The following DMD variants were observed in gnomAD, a reference collection of about 807,000 sequenced individuals.
The protein encoded by DMD is mutant dystrophin.
DMD carries 63 observed loss-of-function variants against 330.1 expected under a neutral mutation model. The ratio of observed to expected loss-of-function variants is 0.19; its 90% confidence interval spans 0.16 to 0.24. DMD has a LOEUF of 0.24. Among genes scored for constraint, DMD ranks in the 10% least tolerant of loss-of-function variants. DMD has a pLI of 1.00. For synonymous variants in DMD, 1,223 were observed against 959.8 expected (o/e 1.27, Z -5.07); for missense variants, 3,344 against 2,684.1 (o/e 1.25, Z -5.43).
chrX:31,630,823 G>T (rs951824637), intron 54 of DMD, among the ~76,000 whole-genome samples: 2 of 111,572 alleles, frequency 1.8e-5, no homozygotes, highest in African/African-American at 6.5e-5. Flanking sequence ...CCAGATATTA[G>T]AAACTGTAAT....
At chrX:32,693,163 T>C (rs1391378915) in intron 9 of DMD, among the ~76,000 whole-genome samples, 1 of 111,665 alleles carries the variant, frequency 9.0e-6, no homozygotes, top group Non-Finnish European at 1.9e-5. Context: ...AGCCAGTGAA[T>C]GTGGTCAGCC....
chrX:31,319,710 C>T (rs1232939813), intron 62 of DMD, among the ~76,000 whole-genome samples: 1 of 112,527 alleles, frequency 8.9e-6, no homozygotes, highest in East Asian at 2.8e-4. Context: ...TGTGATATTT[C>T]TTATGCTTTT....
In DMD at chrX:32,527,828, T is replaced by A. The variant is rs192346217; in HGVS notation, c.2169-9697A>T. On this transcript the variant is annotated intron_variant, in intron 17 of 78. Transcript: ENST00000357033. ...TTAGATAAATAGTTCCCTCTCCAAATCAAGATAGTTTGTATACACACACAC... is the reference window on the plus strand; with the variant it reads ...TTAGATAAATAGTTCCCTCTCCAAAACAAGATAGTTTGTATACACACACAC... Among the ~76,000 whole-genome samples, 334 of 110,943 alleles carry A rather than the reference T, an allele frequency of 3.0e-3. 1 individual carries two copies. Among genetic ancestry groups the A allele is most frequent in the African/African-American group, 0.011 (324 of 30,470 alleles).
chrX:33,164,353 G>A (rs1385065255), intron 1 of DMD, among the ~76,000 whole-genome samples: 1 of 112,124 alleles, frequency 8.9e-6, no homozygotes, highest in African/African-American at 3.2e-5. Flanking sequence ...ATAATTTAAG[G>A]TTTTATTTGC....
chrX:31,867,928 G>A (rs1031384321), intron 48 of DMD, among the ~76,000 whole-genome samples: 5 of 110,919 alleles, frequency 4.5e-5, no homozygotes, highest in East Asian at 2.8e-4. Flanking sequence ...GTCTTTTGTC[G>A]TTCACAGATA....
chrX:32,256,489 T>C (rs1261638271), intron 43 of DMD, among the ~76,000 whole-genome samples: 1 of 111,082 alleles, frequency 9.0e-6, no homozygotes, highest in Non-Finnish European at 1.9e-5. Context: ...TGTCTTTTAA[T>C]TGGGGCATTT....
At chrX:33,114,185 C>T (rs1253109996) in intron 1 of DMD, among the ~76,000 whole-genome samples, 1 of 106,361 alleles carries the variant, frequency 9.4e-6, no homozygotes, top group East Asian at 2.9e-4. Flanking sequence ...TCTTGGCTTA[C>T]TGCAGCCTCC....
At chrX:31,582,976 G>A (rs1464700497) in intron 55 of DMD, among the ~76,000 whole-genome samples, 1 of 112,324 alleles carries the variant, frequency 8.9e-6, no homozygotes. Flanking sequence ...CTGAAATAGA[G>A]AATAGAGGCA....
At chrX:32,161,886 A>T (rs764363922) in intron 44 of DMD, among the ~76,000 whole-genome samples, 8 of 112,034 alleles carry the variant, frequency 7.1e-5, no homozygotes, top group East Asian at 5.6e-4. Flanking sequence ...AAAACTATCC[A>T]TTTTGCAGAT....
intron 51 of DMD, among the ~76,000 whole-genome samples, chrX:31,750,458 T>C (rs1369701103): frequency 9.0e-6 from 1 of 110,792 alleles, no homozygotes; most frequent in Admixed American, 9.7e-5. Context: ...TAGTGGTAGA[T>C]ATGCGGCGTT....
chrX:32,186,412 G>A (rs1161843438), intron 44 of DMD, among the ~76,000 whole-genome samples: 1 of 111,058 alleles, frequency 9.0e-6, no homozygotes, highest in African/African-American at 3.3e-5. Flanking sequence ...GATTGATTCT[G>A]CATTTTTAGT....
At chrX:32,949,471 G>T (rs2091086807) in intron 2 of DMD, among the ~76,000 whole-genome samples, 1 of 110,084 alleles carries the variant, frequency 9.1e-6, no homozygotes, top group Non-Finnish European at 1.9e-5. Flanking sequence ...CTAAAAGTGA[G>T]GAGAATTATT....
chrX:31,963,590 T>C (rs765487832), intron 45 of DMD, among the ~76,000 whole-genome samples: 21 of 110,927 alleles, frequency 1.9e-4, no homozygotes, highest in Non-Finnish European at 3.8e-4. Context: ...CGTTTCTACG[T>C]ACTATTCACC....
chrX:32,685,598 G>T (rs932094592), intron 9 of DMD, among the ~76,000 whole-genome samples: 1 of 111,699 alleles, frequency 9.0e-6, no homozygotes, highest in African/African-American at 3.3e-5. Context: ...TAATCCCATT[G>T]TTATACATAC....
At chrX:32,896,704 T>C (rs1347845137) in intron 2 of DMD, among the ~76,000 whole-genome samples, 1 of 112,484 alleles carries the variant, frequency 8.9e-6, no homozygotes, top group African/African-American at 3.2e-5. Flanking sequence ...AAGTTAAAAT[T>C]TGGAGCAACT....
intron 45 of DMD, among the ~76,000 whole-genome samples, chrX:31,959,914 G>A (rs958932810): frequency 1.8e-5 from 2 of 108,616 alleles, no homozygotes; most frequent in African/African-American, 6.7e-5. Flanking sequence ...ACAGGCCCAC[G>A]TCTGGCTAAG....
intron 7 of DMD, among the ~76,000 whole-genome samples, chrX:32,730,102 G>A (rs2067379015): frequency 1.8e-5 from 2 of 112,054 alleles, no homozygotes; most frequent in Non-Finnish European, 1.9e-5. Flanking sequence ...GGAGGCTGAG[G>A]CAGGAGGATC....
At chrX:32,098,997 T>C (rs937077461) in intron 44 of DMD, among the ~76,000 whole-genome samples, 17 of 112,236 alleles carry the variant, frequency 1.5e-4, no homozygotes, top group Non-Finnish European at 3.0e-4. Flanking sequence ...GCTGTGCATG[T>C]TGAGGGCTTA....
intron 49 of DMD, among the ~76,000 whole-genome samples, chrX:31,826,485 T>G (rs1039859748): frequency 3.6e-5 from 4 of 112,500 alleles, no homozygotes; most frequent in African/African-American, 6.4e-5. Context: ...AAGTTCTTTT[T>G]TGTTTTGCTT....
Sources: gnomAD v4.1 joint callset for allele counts (sites outside exome capture counted in the v4.1 genomes callset) on GRCh38, gnomAD v4.1.1 for gene constraint, MANE v1.5 for transcripts, NCBI Gene and HGNC (gene_info 2026-07-23, HGNC 2026-07-21) for gene names.